Variants in DAGLA observed in about 807,000 individuals in gnomAD.
DAGLA encodes the protein diacylglycerol lipase alpha.
In DAGLA, 22 loss-of-function variants were observed where a neutral mutation model predicts 102.6. That is an observed-to-expected ratio of 0.21 (90% confidence interval 0.15 to 0.31). DAGLA has a LOEUF of 0.31. DAGLA is among the 10% of genes least tolerant of loss of function. The pLI, the probability that DAGLA is intolerant of heterozygous loss-of-function variation, is 1.00. For missense variants in DAGLA, 927 were observed against 1,446.6 expected (o/e 0.64, Z 5.83); for synonymous variants, 578 against 628.9 (o/e 0.92, Z 1.21).
At position 61,743,797 on chromosome 11, in the gene DAGLA, C is replaced by G. The variant is rs1304625973; in HGVS notation, c.2437C>G (p.Leu813Val). ...GGGCTCCCCCAGCCTCCACGCTGTG[C>G]TGGAGCGTGATGAAGGCCACCTCTT... ...IRGSPSLHAV[L>V]ERDEGHLFYI... Residue 813 changes from leucine to valine, a missense_variant, in exon 20 of 20, where the codon CTG (leucine) becomes GTG (valine). This residue lies in a region of DAGLA where 434 missense variants were observed against 503.3 expected (regional missense o/e 0.86). Transcript: ENST00000257215. 2 of 1,612,576 alleles carry G rather than the reference C, an allele frequency of 1.2e-6. No homozygotes were observed. The highest frequency in any genetic ancestry group is 2.7e-5 in the African/African-American group (2 of 75,058).
At chr11:61,732,241 C>T (rs2065381188) in intron 9 of DAGLA, among the ~76,000 whole-genome samples, 1 of 152,186 alleles carries the variant, frequency 6.6e-6, no homozygotes, top group African/African-American at 2.4e-5. Context: ...ACACCCCTGC[C>T]CTTGGGACCC....
chr11:61,744,485 G>A lies in DAGLA; in HGVS notation c.3125G>A (p.Arg1042His), dbSNP rs775061931. The A allele has an allele frequency of 1.2e-5, 19 of 1,555,792 alleles. No homozygotes were observed. Among genetic ancestry groups the A allele is most frequent in the East Asian group, 2.3e-5 (1 of 44,204 alleles). The change falls in exon 20 of 20, where the codon CGC becomes CAC. Residue 1042 changes from arginine to histidine, a missense_variant. Coordinates refer to ENST00000257215, the MANE Select transcript of DAGLA (RefSeq NM_006133.3). ...CAAGATGAGCTGGTCATCTCAGCACGCTAGCACCCCAGTTGCGTGGCCAGC... is the reference window on the plus strand; with the variant it reads ...CAAGATGAGCTGGTCATCTCAGCACACTAGCACCCCAGTTGCGTGGCCAGC... The part of the protein sequence containing the change: ...AKQDELVISA[R>H]
rs1441150996 is a variant in DAGLA at position 61,736,491 on chromosome 11, G to A, written c.1371+141G>A. 6 of 706,352 alleles carry A rather than the reference G, an allele frequency of 8.5e-6. No individual in the cohort carries two copies. In the East Asian group the frequency reaches 1.4e-4, roughly 16 times the overall value. The allele number at this position is 706,352 out of a possible 1,614,324, so 43.8% of individuals were successfully genotyped here. A position where few individuals can be genotyped will look rare whatever the true frequency, so the allele number is the denominator to read the frequency against. ...GGCTCCTGCAATCCCTTCCAGCCTGGCTCCCAACCCCTCCTCTTTTGTGCC... is the reference window on the plus strand; with the variant it reads ...GGCTCCTGCAATCCCTTCCAGCCTGACTCCCAACCCCTCCTCTTTTGTGCC... On this transcript the variant is annotated intron_variant, in intron 13 of 19. Transcript: ENST00000257215.
At chr11:61,713,041 C>T (rs1038407708) in intron 1 of DAGLA, among the ~76,000 whole-genome samples, 3 of 152,178 alleles carry the variant, frequency 2.0e-5, no homozygotes, top group African/African-American at 7.2e-5. Context: ...GTGGATGACA[C>T]ATAGTGTTTC....
At chr11:61,681,958 G>A (rs1178895196) in intron 1 of DAGLA, among the ~76,000 whole-genome samples, 1 of 152,138 alleles carries the variant, frequency 6.6e-6, no homozygotes, top group Non-Finnish European at 1.5e-5. Context: ...TCTTGGGGGA[G>A]TGGGATCAGT....
intron 9 of DAGLA, among the ~76,000 whole-genome samples, chr11:61,733,150 G>T (rs1382490765): frequency 6.6e-6 from 1 of 152,262 alleles, no homozygotes; most frequent in Non-Finnish European, 1.5e-5. Context: ...TTACAGAAGA[G>T]GAAACTGAGG....
intron 3 of DAGLA, among the ~76,000 whole-genome samples, 197 bp downstream of exon 3, chr11:61,721,087 C>A (rs1422338649): frequency 6.6e-6 from 1 of 152,200 alleles, no homozygotes; most frequent in Non-Finnish European, 1.5e-5. Flanking sequence ...ATCCAGCCTG[C>A]TGTATGTGTT....
Position 61,744,371 on chromosome 11 carries a change from C to T in DAGLA, c.3011C>T (p.Thr1004Met), listed in dbSNP as rs774144925. Residue 1004 changes from threonine to methionine, a missense_variant, in exon 20 of 20, where the codon ACG (threonine) becomes ATG (methionine). By Grantham distance (81) the Thr-to-Met change is moderately conservative. This residue lies in a region of DAGLA where 434 missense variants were observed against 503.3 expected (regional missense o/e 0.86). Coordinates refer to ENST00000257215, the MANE Select transcript of DAGLA (RefSeq NM_006133.3). ...LSSSGELMDL[T>M]PTGLSSQECL... is the part of the protein sequence containing the mutation. ...TCCTCGGGTGAGCTCATGGACCTGACGCCCACGGGCCTCAGTAGCCAGGAA... is the reference window on the plus strand; with the variant it reads ...TCCTCGGGTGAGCTCATGGACCTGATGCCCACGGGCCTCAGTAGCCAGGAA... 33 of 1,611,940 alleles carry T rather than the reference C, an allele frequency of 2.0e-5. No homozygotes were observed. The highest frequency in any genetic ancestry group is 2.5e-5 in the Non-Finnish European group (29 of 1,179,374).
chr11:61,739,822 C>T (rs754398628), intron 17 of DAGLA, among the ~76,000 whole-genome samples, 161 bp downstream of exon 17: 9 of 152,176 alleles, frequency 5.9e-5, no homozygotes, highest in African/African-American at 1.9e-4. Context: ...GCATCGGGCT[C>T]TGGAAATGGA....
chr11:61,715,541 G>A (rs2065229540), intron 1 of DAGLA, among the ~76,000 whole-genome samples: 1 of 152,210 alleles, frequency 6.6e-6, no homozygotes, highest in Admixed American at 6.5e-5. Flanking sequence ...CTTAAAATCT[G>A]CTCCCAGGGC....
intron 1 of DAGLA, among the ~76,000 whole-genome samples, chr11:61,694,865 C>T (rs1354930079): frequency 6.6e-6 from 1 of 152,016 alleles, no homozygotes; most frequent in Non-Finnish European, 1.5e-5. Context: ...CTGGGAAGAG[C>T]GAGAGGCCTG....
At chr11:61,714,119 C>A (rs2135573985) in intron 1 of DAGLA, among the ~76,000 whole-genome samples, 1 of 152,286 alleles carries the variant, frequency 6.6e-6, no homozygotes, top group African/African-American at 2.4e-5. Flanking sequence ...CATATAGCAA[C>A]CGTGGGGGCC....
chr11:61,714,667 C>G (rs1163653877), intron 1 of DAGLA, among the ~76,000 whole-genome samples: 2 of 152,204 alleles, frequency 1.3e-5, no homozygotes, highest in Non-Finnish European at 2.9e-5. Flanking sequence ...TGTCCAGCAC[C>G]TGGCAGTGAC....
intron 6 of DAGLA, 74 bp from the exon 7 acceptor site, chr11:61,728,079 G>T (rs1328260114): frequency 6.4e-7 from 1 of 1,563,130 alleles, no homozygotes; most frequent in Non-Finnish European, 8.8e-7. Flanking sequence ...CCCAGCCCTG[G>T]GGGATTTACT....
At chr11:61,715,619 G>A (rs550922861) in intron 1 of DAGLA, among the ~76,000 whole-genome samples, 2 of 152,348 alleles carry the variant, frequency 1.3e-5, no homozygotes, top group South Asian at 4.1e-4. Flanking sequence ...CAGCAGCACC[G>A]GAGCACTCAT....
rs182486230 is a variant in DAGLA, at chr11:61,728,034, A to G, written c.637-119A>G. Reference sequence around the variant, plus strand: ...TGGAGGTGCTGGGGAGAACCTGTCCAGGGGACCCCGAGCAGACACCTGCTT... The same window carrying G: ...TGGAGGTGCTGGGGAGAACCTGTCCGGGGGACCCCGAGCAGACACCTGCTT... On this transcript the variant is annotated intron_variant, in intron 6 of 19. Coordinates refer to ENST00000257215, the MANE Select transcript of DAGLA (RefSeq NM_006133.3). The G allele has an allele frequency of 1.7e-4, 205 of 1,207,090 alleles. 1 individual carries two copies. In the African/African-American group the frequency reaches 2.6e-3, roughly 15 times the overall value. 74.8% of individuals were successfully genotyped at this position (1,207,090 alleles called of 1,614,324 possible).
intron 1 of DAGLA, among the ~76,000 whole-genome samples, chr11:61,706,707 C>T (rs938093327): frequency 2.0e-5 from 3 of 152,212 alleles, no homozygotes; most frequent in East Asian, 1.9e-4. Context: ...CTGACCCCGC[C>T]GAGGTCCCCT....
intron 1 of DAGLA, among the ~76,000 whole-genome samples, chr11:61,691,976 G>A (rs1225902759): frequency 6.6e-6 from 1 of 152,186 alleles, no homozygotes; most frequent in Non-Finnish European, 1.5e-5. Flanking sequence ...CAGATCACTG[G>A]GGAGCTTGCC....
At chr11:61,682,352 G>A (rs2064949878) in intron 1 of DAGLA, among the ~76,000 whole-genome samples, 1 of 152,184 alleles carries the variant, frequency 6.6e-6, no homozygotes, top group Admixed American at 6.5e-5. Context: ...GGCACGGGAT[G>A]TGATTGGGAG....
Sources: allele counts gnomAD v4.1 joint callset (sites outside exome capture counted in the v4.1 genomes callset), GRCh38; gene constraint gnomAD v4.1.1; regional missense constraint gnomAD v4.1.1; transcripts MANE v1.5; gene names NCBI Gene and HGNC (gene_info 2026-07-23, HGNC 2026-07-21).